TMEM209: variants seen among roughly 807,000 people sequenced by gnomAD.
The protein encoded by TMEM209 is transmembrane protein 209, also known as testicular tissue protein Li 202.
In TMEM209, 65 loss-of-function variants were observed where a neutral mutation model predicts 76.2. The observed-to-expected ratio is 0.85, with a 90% CI of 0.70 to 1.05. The LOEUF (loss-of-function observed/expected upper bound fraction) is 1.05, where lower values mean the gene tolerates loss of function less well. Ranked by LOEUF, TMEM209 falls within the 50% of genes least tolerant of loss-of-function variation. TMEM209 has a pLI of 0.00. For synonymous variants in TMEM209, 239 were observed against 237.6 expected (o/e 1.01, Z -0.06); for missense variants, 623 against 685.5 (o/e 0.91, Z 1.02).
At chr7:130,179,453 A>G (rs2116987664) in intron 9 of TMEM209, among the ~76,000 whole-genome samples, 1 of 152,320 alleles carries the variant, frequency 6.6e-6, no homozygotes, top group East Asian at 1.9e-4. Context: ...AATAAGTTGA[A>G]TTAGAAGTTG....
intron 6 of TMEM209, among the ~76,000 whole-genome samples, chr7:130,190,590 A>G (rs564932369): frequency 6.6e-6 from 1 of 152,290 alleles, no homozygotes; most frequent in South Asian, 2.1e-4. Context: ...AAAAAAAGGA[A>G]AAATGTTAAA....
Position 130,203,783 on chromosome 7 carries a change from C to T in TMEM209, c.199+5G>A, listed in dbSNP as rs868631246. ...TGTAAGTTACAGTGAAAATTACTTA[C>T]TTACCAATATACCAGAGGGGCCAGT... On this transcript the variant is annotated splice_donor_5th_base_variant and intron_variant, in intron 3 of 14. Coordinates refer to ENST00000397622, the MANE Select transcript of TMEM209 (RefSeq NM_032842.4). 4 of 1,597,284 alleles carry T rather than the reference C, an allele frequency of 2.5e-6. No individual in the cohort carries two copies. Among genetic ancestry groups the T allele is most frequent in the Non-Finnish European group, 2.6e-6 (3 of 1,171,638 alleles).
chr7:130,192,005 G>C (rs1797813750), intron 6 of TMEM209, among the ~76,000 whole-genome samples: 1 of 152,168 alleles, frequency 6.6e-6, no homozygotes, highest in African/African-American at 2.4e-5. Flanking sequence ...CGCCACAGCT[G>C]AGTATTAGCG....
At chr7:130,173,331 G>C (rs964946779) in intron 13 of TMEM209, among the ~76,000 whole-genome samples, 1 of 152,112 alleles carries the variant, frequency 6.6e-6, no homozygotes, top group South Asian at 2.1e-4. Context: ...GACAGAGCTA[G>C]ACTCTGCCTC....
Position 130,196,459 on chromosome 7 carries a change from C to T in TMEM209, c.574-3636G>A, listed in dbSNP as rs1227119494. On this transcript the variant is annotated intron_variant, in intron 5 of 14. Transcript: ENST00000397622. ...CTAAGGAAACAAAGATGAATAAAAACATAATCCTGTGCTCAAGAGGGTTAC... is the reference window on the plus strand; with the variant it reads ...CTAAGGAAACAAAGATGAATAAAAATATAATCCTGTGCTCAAGAGGGTTAC... Among the ~76,000 whole-genome samples the T allele has an allele frequency of 2.0e-5, 3 of 151,888 alleles. 1 individual carries two copies. The highest frequency in any genetic ancestry group is 4.4e-5 in the Non-Finnish European group (3 of 67,992).
At chr7:130,172,055 A>G (rs1225108213) in intron 13 of TMEM209, among the ~76,000 whole-genome samples, 1 of 151,912 alleles carries the variant, frequency 6.6e-6, no homozygotes, top group Non-Finnish European at 1.5e-5. Context: ...AAAAATCTGT[A>G]TGTGCTTGTA....
At chr7:130,182,575 T>G (rs1338369848) in intron 8 of TMEM209, among the ~76,000 whole-genome samples, 2 of 152,212 alleles carry the variant, frequency 1.3e-5, no homozygotes. Context: ...GGACTGGGAC[T>G]TTCAAATGCC....
intron 9 of TMEM209, among the ~76,000 whole-genome samples, chr7:130,181,103 T>C (rs1219102197): frequency 2.0e-5 from 3 of 152,224 alleles, no homozygotes; most frequent in African/African-American, 7.2e-5. Flanking sequence ...GTGTAGTAGA[T>C]CTATTTTGAA....
intron 13 of TMEM209, among the ~76,000 whole-genome samples, chr7:130,170,779 G>A (rs1797043328): frequency 6.6e-6 from 1 of 152,058 alleles, no homozygotes. Context: ...ATATGAAGAT[G>A]CAGTGTCTGA....
At chr7:130,203,505 C>T (rs1008188979) in intron 3 of TMEM209, among the ~76,000 whole-genome samples, 5 of 152,146 alleles carry the variant, frequency 3.3e-5, no homozygotes, top group Non-Finnish European at 7.4e-5. Context: ...ACAGAAAGCG[C>T]ATTTCAGGAG....
intron 8 of TMEM209, 54 bp downstream of exon 8, chr7:130,184,130 G>T: frequency 8.3e-7 from 1 of 1,200,276 alleles, no homozygotes; most frequent in Non-Finnish European, 1.2e-6. Context: ...CTAATAACAT[G>T]CTTTGCATAT....
At chr7:130,189,084 C>T (rs1180945903) in intron 6 of TMEM209, among the ~76,000 whole-genome samples, 1 of 151,976 alleles carries the variant, frequency 6.6e-6, no homozygotes, top group East Asian at 1.9e-4. Context: ...TTGGATCCTG[C>T]ATCAATAAAA....
chr7:130,188,917 A>G (rs1461031434), intron 6 of TMEM209, among the ~76,000 whole-genome samples: 2 of 152,218 alleles, frequency 1.3e-5, no homozygotes, highest in Non-Finnish European at 2.9e-5. Flanking sequence ...AAATGATCAA[A>G]CAAATCTGAA....
intron 6 of TMEM209, among the ~76,000 whole-genome samples, chr7:130,189,181 A>G (rs982393509): frequency 2.0e-5 from 3 of 152,142 alleles, no homozygotes; most frequent in African/African-American, 7.2e-5. Context: ...CATGACAATC[A>G]TATTGTCATT....
rs141232457 is a variant in TMEM209, at chr7:130,172,719, C to T, written c.1557+913G>A. Among the ~76,000 whole-genome samples the T allele has an allele frequency of 2.1e-3, 319 of 152,064 alleles. 1 individual carries two copies. Among genetic ancestry groups the T allele is most frequent in the African/African-American group, 7.2e-3 (299 of 41,474 alleles). The stretch of plus-strand genomic sequence containing the variant: ...ATAGCCATTAAGAAGTATTTTTAGG[C>T]CGGGCATGGTGGCTTATGCCTGTAA... On this transcript the variant is annotated intron_variant, in intron 13 of 14. Coordinates refer to ENST00000397622, the MANE Select transcript of TMEM209 (RefSeq NM_032842.4).
At chr7:130,167,108 A>C (rs1194827739) in intron 14 of TMEM209, among the ~76,000 whole-genome samples, 1 of 152,130 alleles carries the variant, frequency 6.6e-6, no homozygotes, top group Non-Finnish European at 1.5e-5. Context: ...GAAACTGAAG[A>C]ATCAAGAGAG....
intron 3 of TMEM209, among the ~76,000 whole-genome samples, chr7:130,203,434 TG>T (rs1798292277): frequency 6.6e-6 from 1 of 152,156 alleles, no homozygotes; most frequent in Non-Finnish European, 1.5e-5. Context: ...ATGTGAAAAC[TG>T]AGGAAGGCAT....
At chr7:130,184,701 C>A (rs1042754340) in intron 7 of TMEM209, among the ~76,000 whole-genome samples, 4 of 152,080 alleles carry the variant, frequency 2.6e-5, no homozygotes, top group African/African-American at 9.7e-5. Context: ...CCATGTTGGC[C>A]AGATGGTCTC....
chr7:130,177,304 T>C (rs1006877596), intron 10 of TMEM209, among the ~76,000 whole-genome samples: 2 of 150,734 alleles, frequency 1.3e-5, no homozygotes, highest in Non-Finnish European at 2.9e-5. Context: ...TGAGCCAAGA[T>C]TGCGCCACTG....
Sources: gnomAD v4.1 joint callset for allele counts (sites outside exome capture counted in the v4.1 genomes callset) on GRCh38, gnomAD v4.1.1 for gene constraint, MANE v1.5 for transcripts, NCBI Gene and HGNC (gene_info 2026-07-23, HGNC 2026-07-21) for gene names.